The following ZNF565 variants were observed in gnomAD, a reference collection of about 807,000 sequenced individuals.
ZNF565 encodes the protein zinc finger protein 565.
ZNF565 carries 27 observed loss-of-function variants against 39.4 expected under a neutral mutation model. That is an observed-to-expected ratio of 0.69 (90% CI 0.51 to 0.95). The LOEUF is 0.95. ZNF565 is among the 40% of genes least tolerant of loss of function. ZNF565 has a pLI of 0.00. For synonymous variants in ZNF565, 185 were observed against 216.6 expected, an observed-to-expected ratio of 0.85 and a Z score of 1.28; for missense variants, 524 against 621.1, an observed-to-expected ratio of 0.84 and a Z score of 1.66.
intron 1 of ZNF565, among the ~76,000 whole-genome samples, chr19:36,227,742 G>A (rs1006448099): frequency 1.3e-5 from 2 of 152,090 alleles, no homozygotes; most frequent in African/African-American, 4.8e-5. Context: ...TTATAAGGAC[G>A]GTGTGTCACT....
At chr19:36,185,930 G>C (rs924429521) in intron 4 of ZNF565, among the ~76,000 whole-genome samples, 1 of 151,546 alleles carries the variant, frequency 6.6e-6, no homozygotes, top group African/African-American at 2.4e-5. Context: ...CTGACCTCAG[G>C]TAATCCGCCC....
At chr19:36,207,757 G>A (rs999467080) in intron 1 of ZNF565, among the ~76,000 whole-genome samples, 1 of 152,154 alleles carries the variant, frequency 6.6e-6, no homozygotes, top group Non-Finnish European at 1.5e-5. Context: ...CTGAGGTGAT[G>A]ACTGTCACTT....
rs764291054 is a variant in ZNF565 at position 36,201,977 on chromosome 19, CT to C, written c.8del (p.Gln3ArgfsTer4). On this transcript the variant is annotated frameshift_variant and splice_region_variant, in exon 2 of 5. Coordinates refer to ENST00000304116, the MANE Select transcript of ZNF565 (RefSeq NM_152477.5). LOFTEE classifies it high-confidence loss of function. MA[Q>X]GLVTFRDVAI... ...AAGGATAGAAGGAATTTCAACATAC[CT>C]GGGCCATGGCTTTTAGAACTATTTG... The C allele has an allele frequency of 6.2e-7, 1 of 1,613,996 alleles. No individual in the cohort carries two copies. Among genetic ancestry groups the C allele is most frequent in the South Asian group, 1.1e-5 (1 of 91,084 alleles).
At chr19:36,221,524 G>A (rs1173479933) in intron 1 of ZNF565, among the ~76,000 whole-genome samples, 6 of 151,788 alleles carry the variant, frequency 4.0e-5, no homozygotes, top group African/African-American at 1.2e-4. Flanking sequence ...TCCTGACCTC[G>A]TGATCCACCC....
chr19:36,227,037 C>G (rs1977097433), intron 1 of ZNF565, among the ~76,000 whole-genome samples: 1 of 147,630 alleles, frequency 6.8e-6, no homozygotes, highest in Non-Finnish European at 1.5e-5. Flanking sequence ...GAGCCGAGAT[C>G]GCACCACTGC....
At chr19:36,204,076 A>G (rs1006244759) in intron 1 of ZNF565, among the ~76,000 whole-genome samples, 1 of 151,374 alleles carries the variant, frequency 6.6e-6, no homozygotes, top group Non-Finnish European at 1.5e-5. Flanking sequence ...CGGCCTCCCA[A>G]GTAGCTAGGA....
At chr19:36,219,007 A>G (rs1036960789), upstream of ZNF565, among the ~76,000 whole-genome samples, 4 of 149,634 alleles carry the variant, frequency 2.7e-5, no homozygotes, top group African/African-American at 9.9e-5. Flanking sequence ...ACGGGATTTC[A>G]CCGTGTTAGC....
chr19:36,244,844 C>T (rs1216068453), intron 1 of ZNF565, among the ~76,000 whole-genome samples: 2 of 98,848 alleles, frequency 2.0e-5, no homozygotes, highest in Admixed American at 1.1e-4. Context: ...AGCAAGACTA[C>T]GTCTTAAAAA....
At chr19:36,185,285 A>G (rs1194333620) in intron 4 of ZNF565, among the ~76,000 whole-genome samples, 1 of 151,728 alleles carries the variant, frequency 6.6e-6, no homozygotes, top group Non-Finnish European at 1.5e-5. Flanking sequence ...GTGGTGGCAC[A>G]TGCCTGTAAT....
intron 1 of ZNF565, among the ~76,000 whole-genome samples, chr19:36,205,558 T>C (rs1224743629): frequency 1.3e-5 from 2 of 152,074 alleles, no homozygotes; most frequent in East Asian, 3.8e-4. Context: ...AAGTAGGTTT[T>C]CACTTATTAA....
At chr19:36,222,360 T>A (rs1287043085) in intron 1 of ZNF565, among the ~76,000 whole-genome samples, 1 of 152,254 alleles carries the variant, frequency 6.6e-6, no homozygotes, top group Non-Finnish European at 1.5e-5. Context: ...TTTCCAGTCT[T>A]CTGCTGTTGC....
At chr19:36,190,948 T>G (rs565417076) in intron 4 of ZNF565, among the ~76,000 whole-genome samples, 1 of 142,362 alleles carries the variant, frequency 7.0e-6, no homozygotes, top group East Asian at 2.0e-4. Context: ...GCTGAGATCG[T>G]GCCACTGCAC....
At chr19:36,228,571 CAT>C (rs1000576319) in intron 1 of ZNF565, 2 of 152,206 alleles carry the variant, frequency 1.3e-5, no homozygotes, top group African/African-American at 4.8e-5. Context: ...CCTTTGCCCA[CAT>C]GATTGTGTGT....
intron 1 of ZNF565, among the ~76,000 whole-genome samples, chr19:36,233,904 A>G (rs1370150321): frequency 1.3e-5 from 2 of 148,850 alleles, no homozygotes; most frequent in Non-Finnish European, 1.5e-5. Flanking sequence ...TCCTCAGCAC[A>G]GACCCTTTAC....
intron 1 of ZNF565, among the ~76,000 whole-genome samples, chr19:36,206,384 G>GGATA (rs1385748762): frequency 6.6e-6 from 1 of 151,956 alleles, no homozygotes; most frequent in Non-Finnish European, 1.5e-5. Flanking sequence ...CAAGGCAGGA[G>GGATA]GATAACTTGA....
intron 4 of ZNF565, among the ~76,000 whole-genome samples, chr19:36,191,314 C>CTTTTTTT (rs768603825): frequency 2.4e-5 from 3 of 125,046 alleles, no homozygotes; most frequent in Admixed American, 8.3e-5. Flanking sequence ...ATTTTTCTTT[C>CTTTTTTT]TTTTTTTTTT....
At chr19:36,214,284 C>A (rs1478799941) in intron 1 of ZNF565, among the ~76,000 whole-genome samples, 1 of 152,118 alleles carries the variant, frequency 6.6e-6, no homozygotes, top group Non-Finnish European at 1.5e-5. Context: ...AGACATGAAT[C>A]ACAACCGCAC....
chr19:36,225,872 T>C (rs1400934343), intron 1 of ZNF565, among the ~76,000 whole-genome samples: 1 of 150,096 alleles, frequency 6.7e-6, no homozygotes, highest in African/African-American at 2.4e-5. Flanking sequence ...GCAGTCCTCC[T>C]GCTTCAGGCT....
At chr19:36,194,134 A>C (rs1975671887) in intron 4 of ZNF565, 99 bp downstream of exon 4, 10 of 930,304 alleles carry the variant, frequency 1.1e-5, no homozygotes, top group Non-Finnish European at 1.6e-5. Flanking sequence ...CCTTTCTTCC[A>C]CAGTAGGGCT....
Sources: gnomAD v4.1 joint callset for allele counts (sites outside exome capture counted in the v4.1 genomes callset) on GRCh38, gnomAD v4.1.1 for gene constraint, MANE v1.5 for transcripts, NCBI Gene and HGNC (gene_info 2026-07-23, HGNC 2026-07-21) for gene names.